The following ERC1 variants were observed in gnomAD, a reference collection of about 807,000 sequenced individuals.
ERC1 encodes ELKS/RAB6-interacting/CAST family member 1.
Under a neutral mutation model 132.0 loss-of-function variants are expected in ERC1, and 56 were observed. The ratio of observed to expected loss-of-function variants is 0.42; its 90% CI spans 0.34 to 0.53. The LOEUF (loss-of-function observed/expected upper bound fraction) is 0.53, where lower values mean the gene tolerates loss of function less well. Among genes scored for constraint, ERC1 ranks in the 20% least tolerant of loss-of-function variants. The pLI, the probability that ERC1 is intolerant of heterozygous loss-of-function variation, is 0.03. For synonymous variants in ERC1, 478 were observed against 476.1 expected, an observed-to-expected ratio of 1.00 and a Z score of -0.05; for missense variants, 1,202 against 1,349.9, an observed-to-expected ratio of 0.89 and a Z score of 1.72.
chr12:1,186,086 A>C (rs962705485), intron 11 of ERC1, among the ~76,000 whole-genome samples: 2 of 152,206 alleles, frequency 1.3e-5, no homozygotes, highest in African/African-American at 4.8e-5. Flanking sequence ...TATTGCTTCC[A>C]CAAAGCATTT....
intron 7 of ERC1, among the ~76,000 whole-genome samples, chr12:1,126,271 C>G (rs535467463): frequency 9.9e-5 from 15 of 152,184 alleles, no homozygotes; most frequent in African/African-American, 3.6e-4. Context: ...CCAAACGAAA[C>G]CAAACAGTGC....
rs941276316 is a variant in ERC1 at position 1,490,135 on chromosome 12, C to T, written c.3256C>T (p.Leu1086=). ...GAAAGGTGAACGGGACAATGCAGAA[C>T]TGCAGGAGTTTGCCAACGCCATTCT... is the stretch of plus-strand genomic sequence containing the variant. The part of the protein sequence containing the change: ...LEKGERDNAE[L]QEFANAILQQ... Residue 1086 remains leucine, a synonymous_variant, in exon 19 of 19, where the codon CTG becomes TTG. Transcript: ENST00000360905. The T allele has an allele frequency of 3.1e-6, 5 of 1,614,094 alleles. No homozygotes were observed. The highest frequency in any genetic ancestry group is 4.2e-6 in the Non-Finnish European group (5 of 1,180,034).
rs1049362162 is a variant in ERC1 at position 1,287,352 on chromosome 12, G to A, written c.2620-2500G>A. ...AACGAACAACCACAAAATATCAGTA[G>A]CATATTGTGATGGTTAACTTTATAT... is the stretch of plus-strand genomic sequence containing the variant. On this transcript the variant is annotated intron_variant, in intron 14 of 18. Coordinates refer to ENST00000360905, the MANE Select transcript of ERC1 (RefSeq NM_178040.4). Among the ~76,000 whole-genome samples the A allele has an allele frequency of 4.6e-5, 7 of 152,204 alleles. No homozygotes were observed. In the East Asian group the frequency reaches 9.6e-4, roughly 21 times the overall value.
At chr12:1,243,206 A>G (rs200223872) in intron 13 of ERC1, among the ~76,000 whole-genome samples, 3 of 142,104 alleles carry the variant, frequency 2.1e-5, no homozygotes, top group African/African-American at 5.6e-5. Context: ...AAAAAAAAAA[A>G]GAAAAAAAAA....
At chr12:1,155,481 CT>C (rs1195450655) in intron 8 of ERC1, among the ~76,000 whole-genome samples, 93 of 146,540 alleles carry the variant, frequency 6.3e-4, no homozygotes, top group Admixed American at 1.0e-3. Context: ...TTAAACTTTC[CT>C]TTTTTTTTTT....
chr12:1,410,557 C>G, intron 17 of ERC1: 1 of 348,694 alleles, frequency 2.9e-6, no homozygotes. Context: ...TTCATGAAAT[C>G]CCTGGTGTGC....
Position 1,002,160 on chromosome 12 carries a change from C to CTTTTTTTT in ERC1, c.-157+10864_-157+10871dup, listed in dbSNP as rs71055117. Among the ~76,000 whole-genome samples the CTTTTTTTT allele has an allele frequency of 2.1e-4, 8 of 38,482 alleles. 1 individual carries two copies. The highest frequency in any genetic ancestry group is 1.8e-4 in the Non-Finnish European group (4 of 22,630). 25.2% of individuals were successfully genotyped at this position (38,482 alleles called of 152,430 possible). A position where few individuals can be genotyped will look rare whatever the true frequency, so the allele number is the denominator to read the frequency against. On this transcript the variant is annotated intron_variant, in intron 1 of 18. Transcript: ENST00000360905. Reference sequence around the variant, plus strand: ...CACAGGTGTGAGCCACCATGCCCGGCTTTTTTTTTTTTTTTTTTTTTTTTT... The same window carrying CTTTTTTTT: ...CACAGGTGTGAGCCACCATGCCCGGCTTTTTTTTTTTTTTTTTTTTTTTTTTTTTTTTT...
At chr12:1,035,984 A>G (rs1193642834) in intron 2 of ERC1, among the ~76,000 whole-genome samples, 1 of 152,016 alleles carries the variant, frequency 6.6e-6, no homozygotes, top group South Asian at 2.1e-4. Context: ...TAACCAGATT[A>G]TCATCATACT....
At chr12:1,071,603 C>G (rs940171265) in intron 2 of ERC1, among the ~76,000 whole-genome samples, 1 of 151,508 alleles carries the variant, frequency 6.6e-6, no homozygotes, top group East Asian at 1.9e-4. Flanking sequence ...GATACAAGTC[C>G]TTTAACAGTT....
chr12:1,286,293 C>CAAAAAAAAAA (rs71293127), intron 14 of ERC1, among the ~76,000 whole-genome samples: 1 of 81,284 alleles, frequency 1.2e-5, no homozygotes, highest in Non-Finnish European at 2.3e-5. Context: ...GACTCCATCT[C>CAAAAAAAAAA]AAAAAAAAAA....
chr12:1,302,214 TAA>T (rs774378016), intron 15 of ERC1, among the ~76,000 whole-genome samples: 41 of 152,196 alleles, frequency 2.7e-4, no homozygotes, highest in Non-Finnish European at 5.6e-4. Context: ...ATGAATTAAT[TAA>T]ACTCACTACC....
chr12:1,090,866 GTTATTATTATTATTATTATTATTATTA>G (rs746269720), intron 3 of ERC1, among the ~76,000 whole-genome samples: 289 of 26,558 alleles, frequency 0.011, 1 homozygote, highest in African/African-American at 0.026. Context: ...TGTTGTTGTT[GTTATTATTATTATTATTATTATTATTA>G]TTATTATTAT....
Position 1,170,432 on chromosome 12 carries a change from C to T in ERC1, c.1738-10108C>T, listed in dbSNP as rs189109036. Among the ~76,000 whole-genome samples the T allele has an allele frequency of 9.2e-5, 14 of 152,196 alleles. No individual in the cohort carries two copies. The East Asian group carries it at 2.7e-3, about 29-fold the overall frequency. The stretch of plus-strand genomic sequence containing the variant: ...ATGTAGTGAACTGAGACTAGGCTAC[C>T]TAGACAGCCACTGTAACTGAACAAC... On this transcript the variant is annotated intron_variant, in intron 8 of 18. Coordinates refer to ENST00000360905, the MANE Select transcript of ERC1 (RefSeq NM_178040.4).
At chr12:1,270,374 A>T (rs1566443819) in intron 14 of ERC1, among the ~76,000 whole-genome samples, 1 of 151,782 alleles carries the variant, frequency 6.6e-6, no homozygotes, top group Non-Finnish European at 1.5e-5. Context: ...CGCCTGGCTA[A>T]TTTTTTTGCA....
rs1277197164 is a variant in ERC1, at chr12:1,418,615, CTTTCTTTCTTTCTT to C, written c.3024+10370_3024+10383del. 3.3e-4 allele frequency among the ~76,000 whole-genome samples: 38 copies of C among 116,718 alleles called. 2 individuals are homozygous for C. The highest frequency in any genetic ancestry group is 1.8e-3 in the African/African-American group (36 of 20,010). The allele number at this position is 116,718 out of a possible 152,430, so 76.6% of individuals were successfully genotyped here. On this transcript the variant is annotated intron_variant, in intron 17 of 18. Coordinates refer to ENST00000360905, the MANE Select transcript of ERC1 (RefSeq NM_178040.4). Reference sequence around the variant, plus strand: ...TCTTTCTTTCTTTCTTTCTTTCTTTCTTTCTTTCTTTCTTTCTTTCTTTCTTTCTCTCTCTCTCT... The same window carrying C: ...TCTTTCTTTCTTTCTTTCTTTCTTTCTCTTTCTTTCTTTCTCTCTCTCTCT...
intron 15 of ERC1, among the ~76,000 whole-genome samples, chr12:1,335,557 G>C (rs2083240251): frequency 6.6e-6 from 1 of 152,032 alleles, no homozygotes; most frequent in Non-Finnish European, 1.5e-5. Context: ...AACCAACCTT[G>C]CATCGTAGAG....
intron 15 of ERC1, among the ~76,000 whole-genome samples, chr12:1,329,389 A>G (rs1010961960): frequency 1.7e-5 from 2 of 120,108 alleles, no homozygotes; most frequent in Non-Finnish European, 3.5e-5. Flanking sequence ...TAATTTTATA[A>G]TAGCCTAAAT....
chr12:1,462,997 T>C (rs2093672465), intron 18 of ERC1, among the ~76,000 whole-genome samples: 1 of 152,134 alleles, frequency 6.6e-6, no homozygotes, highest in Admixed American at 6.5e-5. Context: ...TGGAATCAAC[T>C]TTCATCAGCC....
intron 15 of ERC1, among the ~76,000 whole-genome samples, chr12:1,343,785 G>A (rs1050095319): frequency 2.6e-5 from 4 of 152,056 alleles, no homozygotes; most frequent in Non-Finnish European, 5.9e-5. Context: ...CTACCTGCCA[G>A]TATGCTGAAA....
Sources: gnomAD v4.1 joint callset for allele counts (sites outside exome capture counted in the v4.1 genomes callset) on GRCh38, gnomAD v4.1.1 for gene constraint, MANE v1.5 for transcripts, NCBI Gene and HGNC (gene_info 2026-07-23, HGNC 2026-07-21) for gene names.